Variants in RBPJ observed in about 807,000 individuals in gnomAD.
The protein encoded by RBPJ is recombining binding protein suppressor of hairless.
A neutral mutation model predicts 67.8 loss-of-function variants in RBPJ; 9 were observed. The observed-to-expected ratio is 0.13, with a 90% CI of 0.08 to 0.23. The LOEUF is 0.23. RBPJ is among the 10% of genes least tolerant of loss of function. The pLI, the probability that RBPJ is intolerant of heterozygous loss-of-function variation, is 1.00. For synonymous variants in RBPJ, 198 were observed against 203.3 expected (o/e 0.97, Z 0.22); for missense variants, 305 against 595.6 (o/e 0.51, Z 5.08).
intron 1 of RBPJ, among the ~76,000 whole-genome samples, chr4:26,244,128 A>AATGTATATATATATGTGTACACATAT (rs1390375120): frequency 7.7e-5 from 11 of 143,774 alleles, no homozygotes; most frequent in African/African-American, 1.8e-4. Context: ...GAAACTTTAA[A>AATGTATATATATATGTGTACACATAT]ATGTATATAT....
intron 1 of RBPJ, among the ~76,000 whole-genome samples, chr4:26,365,545 A>G (rs1391897544): frequency 6.6e-6 from 1 of 152,346 alleles, no homozygotes; most frequent in East Asian, 1.9e-4. Flanking sequence ...ATAGAAAAGA[A>G]TGTATTTCTT....
At chr4:26,164,642 A>G (rs1017853602) in intron 1 of RBPJ, among the ~76,000 whole-genome samples, 1 of 152,252 alleles carries the variant, frequency 6.6e-6, no homozygotes, top group Non-Finnish European at 1.5e-5. Flanking sequence ...GTGATCAATT[A>G]AATATAAGTC....
chr4:26,196,726 A>T (rs939416561), intron 1 of RBPJ, among the ~76,000 whole-genome samples: 1 of 152,120 alleles, frequency 6.6e-6, no homozygotes, highest in African/African-American at 2.4e-5. Flanking sequence ...CCACATACCC[A>T]CTGTTGAGAT....
chr4:26,343,910 T>G (rs1430587913), intron 1 of RBPJ, among the ~76,000 whole-genome samples: 2 of 151,186 alleles, frequency 1.3e-5, no homozygotes, highest in Non-Finnish European at 3.0e-5. Flanking sequence ...GCCACCACAC[T>G]CGGCTAATTT....
intron 2 of RBPJ, among the ~76,000 whole-genome samples, chr4:26,400,064 CA>C: frequency 6.6e-6 from 1 of 151,732 alleles, no homozygotes; most frequent in Non-Finnish European, 1.5e-5. Context: ...TTAAAGTATT[CA>C]AAAAAACAGT....
At chr4:26,397,026 G>A (rs1732189665) in intron 2 of RBPJ, among the ~76,000 whole-genome samples, 1 of 152,138 alleles carries the variant, frequency 6.6e-6, no homozygotes, top group South Asian at 2.1e-4. Context: ...AAGCTTCCTT[G>A]GAAGAAAAAC....
chr4:26,218,673 C>T (rs999770766), intron 1 of RBPJ, among the ~76,000 whole-genome samples: 1 of 152,192 alleles, frequency 6.6e-6, no homozygotes, highest in Non-Finnish European at 1.5e-5. Flanking sequence ...TGCCATACCC[C>T]CTCGGCCTCG....
At chr4:26,119,106 T>TCAGTAAA in the RBPJ span, among the ~76,000 whole-genome samples, 1 of 152,198 alleles carries the variant, frequency 6.6e-6, no homozygotes, top group Non-Finnish European at 1.5e-5. Context: ...TTACCTACCT[T>TCAGTAAA]ATAATATCAC....
At chr4:26,222,931 G>A (rs1308092673) in intron 1 of RBPJ, among the ~76,000 whole-genome samples, 5 of 151,636 alleles carry the variant, frequency 3.3e-5, no homozygotes, top group African/African-American at 7.3e-5. Flanking sequence ...CGAGGCGGGC[G>A]GATCACGAGG....
chr4:26,333,952 C>G (rs1205498897), intron 1 of RBPJ, among the ~76,000 whole-genome samples: 3 of 152,106 alleles, frequency 2.0e-5, no homozygotes, highest in Non-Finnish European at 2.9e-5. Context: ...TAGTTGTGAG[C>G]CACTGTACAT....
chr4:26,181,059 T>C (rs577633093), intron 1 of RBPJ, among the ~76,000 whole-genome samples: 1 of 152,296 alleles, frequency 6.6e-6, no homozygotes, highest in Non-Finnish European at 1.5e-5. Flanking sequence ...CTTGGTCTTC[T>C]GCCATGACTG....
chr4:26,178,699 C>T (rs750020789), intron 1 of RBPJ, among the ~76,000 whole-genome samples: 6 of 151,296 alleles, frequency 4.0e-5, no homozygotes, highest in Admixed American at 6.6e-5. Context: ...AGTGAAATCC[C>T]GGGAACAATT....
intron 3 of RBPJ, among the ~76,000 whole-genome samples, chr4:26,411,939 C>T (rs1247037888): frequency 1.3e-5 from 2 of 149,364 alleles, no homozygotes; most frequent in African/African-American, 4.9e-5. Flanking sequence ...AACCCCATCT[C>T]TACTAAAAAT....
At chr4:26,195,002 T>A (rs984813212) in intron 1 of RBPJ, among the ~76,000 whole-genome samples, 1 of 152,244 alleles carries the variant, frequency 6.6e-6, no homozygotes, top group Non-Finnish European at 1.5e-5. Context: ...AGGTTTATAC[T>A]GTAAGCCACC....
At chr4:26,325,009 AGAAAAGTGTTTTGCATTTGAG>A (rs1326648519) in intron 1 of RBPJ, among the ~76,000 whole-genome samples, 3 of 152,238 alleles carry the variant, frequency 2.0e-5, no homozygotes. Flanking sequence ...TCTTGGCCTT[AGAAAAGTGTTTTGCATTTGAG>A]GAGCACTCTG....
chr4:26,293,157 A>G (rs1053061556), intron 1 of RBPJ, among the ~76,000 whole-genome samples: 2 of 150,418 alleles, frequency 1.3e-5, no homozygotes, highest in Admixed American at 1.3e-4. Flanking sequence ...CTTCTACTGC[A>G]TAACCCAGGT....
chr4:26,129,497 T>C, the RBPJ span, among the ~76,000 whole-genome samples: 1 of 152,210 alleles, frequency 6.6e-6, no homozygotes, highest in South Asian at 2.1e-4. Context: ...TGGGTTCTCA[T>C]CTTTGCTCCA....
the RBPJ span, among the ~76,000 whole-genome samples, chr4:26,149,633 CT>C: frequency 2.0e-5 from 3 of 152,198 alleles, no homozygotes; most frequent in African/African-American, 7.2e-5. Flanking sequence ...CTCTCTCTTT[CT>C]CATGATCTAT....
At chr4:26,390,807 T>C (rs574004188) in intron 2 of RBPJ, among the ~76,000 whole-genome samples, 36 of 152,306 alleles carry the variant, frequency 2.4e-4, no homozygotes, top group African/African-American at 8.7e-4. Context: ...ATAATCCCAG[T>C]ACATTGAAAG....
Sources: allele counts gnomAD v4.1 joint callset (sites outside exome capture counted in the v4.1 genomes callset), GRCh38; gene constraint gnomAD v4.1.1; transcripts MANE v1.5; gene names NCBI Gene and HGNC (gene_info 2026-07-23, HGNC 2026-07-21).